Variants in CCR3 observed in about 807,000 individuals in gnomAD.
CCR3 encodes C-C motif chemokine receptor 3.
For synonymous variants in CCR3, 203 were observed against 179.2 expected (o/e 1.13, Z -1.06); for missense variants, 419 against 437.5 (o/e 0.96, Z 0.38).
intron 1 of CCR3, among the ~76,000 whole-genome samples, chr3:46,254,651 CCT>C (rs1180962215): frequency 6.6e-6 from 1 of 152,110 alleles, no homozygotes; most frequent in East Asian, 1.9e-4. Flanking sequence ...CATCCTTTCC[CCT>C]GAGTCCCCAA....
rs765447135 is a variant in CCR3 at position 46,266,139 on chromosome 3, C to T, written c.981C>T (p.Tyr327=). ...HRHLLMHLGR[Y]IPFLPSEKLE... ...ACTTGCTCATGCACCTGGGCAGATA[C>T]ATCCCATTCCTTCCTAGTGAGAAGC... Residue 327 remains tyrosine, a synonymous_variant, in exon 2 of 2, where the codon TAC becomes TAT. Transcript: ENST00000395940. The T allele has an allele frequency of 1.2e-6, 2 of 1,614,120 alleles. No homozygotes were observed. The highest frequency in any genetic ancestry group is 1.7e-6 in the Non-Finnish European group (2 of 1,179,994).
At chr3:46,242,824 GC>G (rs1479848460) in intron 1 of CCR3, among the ~76,000 whole-genome samples, 2 of 151,508 alleles carry the variant, frequency 1.3e-5, no homozygotes, top group Non-Finnish European at 2.9e-5. Context: ...CAACATCTGT[GC>G]CCATGTTACC....
intron 1 of CCR3, among the ~76,000 whole-genome samples, chr3:46,249,354 A>C (rs866737263): frequency 2.6e-5 from 4 of 152,160 alleles, no homozygotes; most frequent in South Asian, 2.1e-4. Flanking sequence ...TTGGCACCAG[A>C]GTTGGGGAGT....
chr3:46,254,078 G>A (rs980113236), intron 1 of CCR3, among the ~76,000 whole-genome samples: 2 of 152,104 alleles, frequency 1.3e-5, no homozygotes, highest in Non-Finnish European at 2.9e-5. Flanking sequence ...GTACCAAAAA[G>A]CCACTTATAA....
At chr3:46,239,831 T>C (rs1041943976), upstream of CCR3, among the ~76,000 whole-genome samples, 1 of 152,208 alleles carries the variant, frequency 6.6e-6, no homozygotes, top group Non-Finnish European at 1.5e-5. Context: ...TAAAAGGTCA[T>C]TGTGGGATTT....
intron 1 of CCR3, among the ~76,000 whole-genome samples, chr3:46,248,117 G>GA (rs1016232860): frequency 7.2e-5 from 11 of 152,110 alleles, no homozygotes; most frequent in African/African-American, 2.7e-4. Flanking sequence ...GAAATGGGGT[G>GA]AATGTCAGGT....
intron 2 of CCR3, among the ~76,000 whole-genome samples, chr3:46,229,257 G>C (rs34677490): frequency 6.6e-6 from 1 of 152,050 alleles, no homozygotes; most frequent in Non-Finnish European, 1.5e-5. Context: ...GCTAACTCTT[G>C]TGATATCAGA....
chr3:46,265,004 G>A (rs1700590107), intron 1 of CCR3, 144 bp from the exon 2 acceptor site: 1 of 624,432 alleles, frequency 1.6e-6, no homozygotes, highest in African/African-American at 1.9e-5. Context: ...CCTCTGATAT[G>A]CCTTTTGAAA....
In CCR3 at chr3:46,265,475, G is replaced by C; in HGVS notation, c.317G>C (p.Cys106Ser). Residue 106 changes from cysteine to serine, a missense_variant, in exon 2 of 2, where the codon TGT becomes TCT. Physicochemically the swap from Cys to Ser is moderately radical, Grantham distance 112. Transcript: ENST00000395940. ...AACTGGGTTTTTGGCCATGGCATGT[G>C]TAAGCTCCTCTCAGGGTTTTATCAC... ...GHNWVFGHGM[C>S]KLLSGFYHTG... 4 of 1,614,182 alleles carry C rather than the reference G, an allele frequency of 2.5e-6. No homozygotes were observed. Among genetic ancestry groups the C allele is most frequent in the Non-Finnish European group, 3.4e-6 (4 of 1,180,030 alleles).
At chr3:46,259,230 G>A (rs1700480284) in intron 1 of CCR3, among the ~76,000 whole-genome samples, 1 of 152,188 alleles carries the variant, frequency 6.6e-6, no homozygotes, top group African/African-American at 2.4e-5. Context: ...ACCTGTATGT[G>A]TCAGAGTCTT....
At chr3:46,233,061 G>A (rs1699984348) in intron 2 of CCR3, among the ~76,000 whole-genome samples, 1 of 152,244 alleles carries the variant, frequency 6.6e-6, no homozygotes. Flanking sequence ...TCGAACTCCT[G>A]ACCTCGTGAT....
rs184368867 is a variant in CCR3 at position 46,264,165 on chromosome 3, C to G, written c.-11-983C>G. On this transcript the variant is annotated intron_variant, in intron 1 of 1. Transcript: ENST00000395940. ...GCTCCTGGCCTAAGAAATATCAAGT[C>G]CAGTGAGAAATCCCATTGACTGACC... 7 of 479,598 alleles carry G rather than the reference C, an allele frequency of 1.5e-5. No individual in the cohort carries two copies. In the Admixed American group the frequency reaches 2.0e-4, roughly 14 times the overall value. 29.7% of individuals were successfully genotyped at this position (479,598 alleles called of 1,614,324 possible). A position where few individuals can be genotyped will look rare whatever the true frequency, so the allele number is the denominator to read the frequency against.
At chr3:46,242,982 CATAT>C (rs10662192) in intron 1 of CCR3, among the ~76,000 whole-genome samples, 2 of 99,316 alleles carry the variant, frequency 2.0e-5, no homozygotes, top group Non-Finnish European at 3.8e-5. Context: ...TATATATACA[CATAT>C]ATATATATAT....
Position 46,261,863 on chromosome 3 carries a change from G to A in CCR3, c.-11-3285G>A, listed in dbSNP as rs28543044. The stretch of plus-strand genomic sequence containing the variant: ...CCAGGGCCAGGGCCCTGGTGGAGGC[G>A]TAGTGGTAACAGAGAGGGCTCTCCA... On this transcript the variant is annotated intron_variant, in intron 1 of 1. Coordinates refer to ENST00000395940, the MANE Select transcript of CCR3 (RefSeq NM_178329.3). Among the ~76,000 whole-genome samples the A allele has an allele frequency of 6.7e-3, 1,020 of 152,346 alleles. 12 individuals are homozygous for A. Among genetic ancestry groups the A allele is most frequent in the African/African-American group, 0.022 (912 of 41,580 alleles).
upstream of CCR3, among the ~76,000 whole-genome samples, chr3:46,242,132 T>TAA (rs34767191): frequency 0.044 from 6,255 of 141,844 alleles, 426 homozygotes; most frequent in African/African-American, 0.15. Context: ...AATCCTGTCT[T>TAA]AAAAAAAAAA....
chr3:46,230,940 T>C (rs1362117256), intron 2 of CCR3, among the ~76,000 whole-genome samples: 5 of 152,194 alleles, frequency 3.3e-5, no homozygotes, highest in Non-Finnish European at 5.9e-5. Context: ...TTTGTTTGTG[T>C]TTTTGAAGGT....
At chr3:46,240,048 G>T (rs1172005960), upstream of CCR3, among the ~76,000 whole-genome samples, 1 of 152,044 alleles carries the variant, frequency 6.6e-6, no homozygotes, top group Admixed American at 6.5e-5. Flanking sequence ...CACTACCTCT[G>T]CCAGGCCCAT....
At chr3:46,259,159 AT>A (rs1274412793) in intron 1 of CCR3, among the ~76,000 whole-genome samples, 6 of 152,194 alleles carry the variant, frequency 3.9e-5, no homozygotes. Context: ...ATTTTAGGTA[AT>A]TCAACTTCAG....
intron 1 of CCR3, among the ~76,000 whole-genome samples, chr3:46,258,440 G>T (rs947362733): frequency 1.3e-5 from 2 of 152,134 alleles, no homozygotes; most frequent in African/African-American, 4.8e-5. Flanking sequence ...GATCTTTTGG[G>T]ATTTCAACAT....
Sources: gnomAD v4.1 joint callset for allele counts (sites outside exome capture counted in the v4.1 genomes callset) on GRCh38, gnomAD v4.1.1 for gene constraint, MANE v1.5 for transcripts, NCBI Gene and HGNC (gene_info 2026-07-23, HGNC 2026-07-21) for gene names.